CTNND2: variants seen among roughly 807,000 people sequenced by gnomAD.
CTNND2 encodes the protein catenin delta-2.
In CTNND2, 22 loss-of-function variants were observed where a neutral mutation model predicts 144.4. That is an observed-to-expected ratio of 0.15 (90% CI 0.11 to 0.22). The LOEUF is 0.22. Ranked by LOEUF, CTNND2 falls within the 10% of genes least tolerant of loss-of-function variation. CTNND2 has a pLI of 1.00. For synonymous variants in CTNND2, 751 were observed against 695.6 expected (o/e 1.08, Z -1.25); for missense variants, 1,353 against 1,618.8 (o/e 0.84, Z 2.82).
intron 2 of CTNND2, among the ~76,000 whole-genome samples, chr5:11,675,549 C>G (rs1439373121): frequency 6.6e-6 from 1 of 152,140 alleles, no homozygotes; most frequent in Non-Finnish European, 1.5e-5. Flanking sequence ...CAATTTTTAA[C>G]TCTTTTTAAA....
chr5:11,616,089 T>C (rs1780565671), intron 2 of CTNND2, among the ~76,000 whole-genome samples: 1 of 152,220 alleles, frequency 6.6e-6, no homozygotes, highest in South Asian at 2.1e-4. Context: ...TTACCCAAGT[T>C]TGAAACGGTG....
intron 3 of CTNND2, among the ~76,000 whole-genome samples, chr5:11,495,377 T>C (rs1031276856): frequency 1.5e-4 from 22 of 149,780 alleles, no homozygotes; most frequent in African/African-American, 5.3e-4. Flanking sequence ...CTATCCCCTT[T>C]AAAATAATTA....
rs577196519 is a variant in CTNND2, at chr5:11,514,070, C to A, written c.287+50874G>T. ...TGGTGGCATGTGGCTGTGGTCCTCC[C>A]AGCTACTCAGGAGGCTGAGAGGGGA... On this transcript the variant is annotated intron_variant, in intron 3 of 21. Coordinates refer to ENST00000304623, the MANE Select transcript of CTNND2 (RefSeq NM_001332.4). Among the ~76,000 whole-genome samples the A allele has an allele frequency of 2.5e-3, 341 of 135,274 alleles. 2 individuals are homozygous for A. The highest frequency in any genetic ancestry group is 9.1e-3 in the African/African-American group (325 of 35,636). 88.7% of individuals were successfully genotyped at this position (135,274 alleles called of 152,430 possible). A position where few individuals can be genotyped will look rare whatever the true frequency, so the allele number is the denominator to read the frequency against.
chr5:11,186,996 T>G (rs373576560), intron 11 of CTNND2, among the ~76,000 whole-genome samples: 72 of 152,314 alleles, frequency 4.7e-4, no homozygotes, highest in African/African-American at 1.7e-3. Context: ...AAATGTATGC[T>G]TATCTCTTCT....
rs141070981 is a variant in CTNND2, at chr5:11,229,925, C to A, written c.1761+6766G>T. ...TGGAAGAAATGGGGGAAAGTACAGG[C>A]AGGAGGAACATAAATAAACTGCAAT... On this transcript the variant is annotated intron_variant, in intron 10 of 21. Transcript: ENST00000304623. Among the ~76,000 whole-genome samples the A allele has an allele frequency of 3.6e-3, 540 of 151,764 alleles. 6 individuals carry two copies. The highest frequency in any genetic ancestry group is 0.012 in the African/African-American group (514 of 41,330).
At chr5:11,048,073 A>C (rs905470231) in intron 16 of CTNND2, among the ~76,000 whole-genome samples, 1 of 152,128 alleles carries the variant, frequency 6.6e-6, no homozygotes, top group African/African-American at 2.4e-5. Context: ...CTAGCACAGC[A>C]CAAGGGTCCA....
rs772585615 is a variant in CTNND2 at position 11,159,621 on chromosome 5, T to A, written c.2114A>T (p.Gln705Leu). ...ACGCAGCACCTGTGATGAATGCAGCTGTATTTTCCGATCATCCTGAAGAGG... is the reference window on the plus strand; with the variant it reads ...ACGCAGCACCTGTGATGAATGCAGCAGTATTTTCCGATCATCCTGAAGAGG... The part of the protein sequence containing the change: ...NSPLQDDRKI[Q>L]LHSSQVLRNA... The change falls in exon 12 of 22, where the codon CAG becomes CTG. Residue 705 changes from glutamine (Q) to leucine (L), a missense_variant. Transcript: ENST00000304623. 6.2e-7 allele frequency: 1 copy of A among 1,613,692 alleles called. No homozygotes were observed. Among genetic ancestry groups the A allele is most frequent in the Admixed American group, 1.7e-5 (1 of 59,972 alleles).
intron 1 of CTNND2, among the ~76,000 whole-genome samples, chr5:11,773,062 T>G (rs1790040817): frequency 6.6e-6 from 1 of 152,258 alleles, no homozygotes; most frequent in African/African-American, 2.4e-5. Context: ...GAAGCTCTTG[T>G]GCTGAACAGT....
chr5:11,834,859 A>T (rs1424205846), intron 1 of CTNND2, among the ~76,000 whole-genome samples: 1 of 152,210 alleles, frequency 6.6e-6, no homozygotes, highest in African/African-American at 2.4e-5. Context: ...AAGTGGATGG[A>T]GCCAGGTACA....
At chr5:11,167,451 C>A (rs1223670647) in intron 11 of CTNND2, among the ~76,000 whole-genome samples, 1 of 152,170 alleles carries the variant, frequency 6.6e-6, no homozygotes, top group South Asian at 2.1e-4. Flanking sequence ...CTGTTGCATA[C>A]AAGGCAAATT....
At chr5:10,981,640 G>C in intron 21 of CTNND2, 133 bp downstream of exon 21, 1 of 793,548 alleles carries the variant, frequency 1.3e-6, no homozygotes, top group Non-Finnish European at 2.1e-6. Context: ...GGCGTGAGGA[G>C]AGGGCCTCAG....
At chr5:11,529,564 A>T (rs531058294) in intron 3 of CTNND2, among the ~76,000 whole-genome samples, 1 of 152,252 alleles carries the variant, frequency 6.6e-6, no homozygotes, top group Non-Finnish European at 1.5e-5. Context: ...ATGGGAAGAT[A>T]ATCAAATAAA....
chr5:11,412,934 A>G (rs10044218), intron 3 of CTNND2, among the ~76,000 whole-genome samples: 30,179 of 152,142 alleles, frequency 0.2, 6,372 homozygotes, highest in African/African-American at 0.53. Flanking sequence ...ACAACAGCAC[A>G]TGGATTGTAG....
intron 2 of CTNND2, among the ~76,000 whole-genome samples, chr5:11,676,338 C>A (rs1784171882): frequency 1.3e-5 from 2 of 152,016 alleles, no homozygotes; most frequent in Admixed American, 6.6e-5. Flanking sequence ...GTGAGAAATT[C>A]TTAGCATCCT....
At chr5:11,374,807 T>C (rs1757779094) in intron 7 of CTNND2, among the ~76,000 whole-genome samples, 1 of 138,780 alleles carries the variant, frequency 7.2e-6, no homozygotes, top group Non-Finnish European at 1.5e-5. Context: ...TTTTTTTTGT[T>C]ACATCAAGAT....
intron 5 of CTNND2, among the ~76,000 whole-genome samples, chr5:11,406,899 T>C (rs1161359473): frequency 6.6e-6 from 1 of 152,200 alleles, no homozygotes; most frequent in Non-Finnish European, 1.5e-5. Context: ...TGGAATTTTC[T>C]AAAATATGAC....
chr5:11,082,673 A>G (rs1270476347), intron 16 of CTNND2, 23 bp downstream of exon 16: 2 of 1,611,364 alleles, frequency 1.2e-6, no homozygotes, highest in Non-Finnish European at 1.7e-6. Flanking sequence ...CACTTGAGAC[A>G]CTGTGAATCA....
chr5:11,000,853 C>T (rs567203599), intron 18 of CTNND2, among the ~76,000 whole-genome samples: 2 of 152,246 alleles, frequency 1.3e-5, no homozygotes, highest in South Asian at 2.1e-4. Context: ...TAGGTTATTC[C>T]GGGTAGGGCC....
At chr5:11,831,859 T>C (rs1273437064) in intron 1 of CTNND2, among the ~76,000 whole-genome samples, 1 of 152,114 alleles carries the variant, frequency 6.6e-6, no homozygotes, top group African/African-American at 2.4e-5. Flanking sequence ...TTCAAGTTAA[T>C]CATAGATCTA....
Sources: gnomAD v4.1 joint callset for allele counts (sites outside exome capture counted in the v4.1 genomes callset) on GRCh38, gnomAD v4.1.1 for gene constraint, MANE v1.5 for transcripts, NCBI Gene and HGNC (gene_info 2026-07-23, HGNC 2026-07-21) for gene names.